The following SLC38A12 variants were observed in gnomAD, a reference collection of about 807,000 sequenced individuals.
SLC38A12 encodes solute carrier family 38 member 12, also known as putative sodium-coupled neutral amino acid transporter 12.
At chr17:74,822,839 G>A in the SLC38A12 span, among the ~76,000 whole-genome samples, 14 of 152,304 alleles carry the variant, frequency 9.2e-5, no homozygotes, top group Admixed American at 2.6e-4. Flanking sequence ...TCCCAGCCCC[G>A]GGCAGCAGCG....
chr17:74,802,567 G>A, the SLC38A12 span, among the ~76,000 whole-genome samples: 1 of 152,182 alleles, frequency 6.6e-6, no homozygotes, highest in Admixed American at 6.5e-5. Context: ...GAATGTGCAG[G>A]TTGGGTATCC....
chr17:74,830,317 C>T, the SLC38A12 span, among the ~76,000 whole-genome samples: 2 of 152,218 alleles, frequency 1.3e-5, no homozygotes, highest in Admixed American at 6.5e-5. Flanking sequence ...GACTTTCATC[C>T]CCTTATAAAC....
the SLC38A12 span, among the ~76,000 whole-genome samples, chr17:74,829,397 T>C: frequency 6.6e-6 from 1 of 152,118 alleles, no homozygotes; most frequent in Non-Finnish European, 1.5e-5. This position sits in a 1 kb window ranked among gnomAD's most constrained non-coding sequence, Gnocchi z 4.1. Flanking sequence ...ACACACCAAG[T>C]CTTTGAAATC....
At chr17:74,812,819 T>G in the SLC38A12 span, among the ~76,000 whole-genome samples, 2 of 151,908 alleles carry the variant, frequency 1.3e-5, no homozygotes, top group Non-Finnish European at 2.9e-5. Context: ...AACAGAGAAA[T>G]CCCCATCAGC....
chr17:74,834,362 C>T, the SLC38A12 span, among the ~76,000 whole-genome samples: 1 of 151,914 alleles, frequency 6.6e-6, no homozygotes, highest in Non-Finnish European at 1.5e-5. Context: ...CTGGAGCGGG[C>T]GGTGAGAGGC....
chr17:74,814,443 A>C, the SLC38A12 span, among the ~76,000 whole-genome samples: 1 of 152,144 alleles, frequency 6.6e-6, no homozygotes, highest in African/African-American at 2.4e-5. Flanking sequence ...TCTCTTCTTC[A>C]TGGAGGGAGG....
At chr17:74,822,144 G>A in the SLC38A12 span, among the ~76,000 whole-genome samples, 30 of 152,322 alleles carry the variant, frequency 2.0e-4, no homozygotes, top group South Asian at 3.9e-3. Flanking sequence ...AATAAAGAGC[G>A]ATTGTCTCAG....
the SLC38A12 span, among the ~76,000 whole-genome samples, chr17:74,825,659 CAA>C: frequency 2.0e-5 from 3 of 152,220 alleles, no homozygotes; most frequent in Non-Finnish European, 2.9e-5. Context: ...AGCTACCAGA[CAA>C]AGACTCCTGC....
At chr17:74,788,650 C>T in the SLC38A12 span, 1 of 634,264 alleles carries the variant, frequency 1.6e-6, no homozygotes, top group Non-Finnish European at 2.7e-6. Context: ...CCAAGTAAAG[C>T]CCATCTCTAG....
chr17:74,795,912 T>C, the SLC38A12 span, among the ~76,000 whole-genome samples: 1 of 152,192 alleles, frequency 6.6e-6, no homozygotes, highest in Non-Finnish European at 1.5e-5. Flanking sequence ...TGTTGTAAAC[T>C]TAGCTCAGAT....
the SLC38A12 span, among the ~76,000 whole-genome samples, chr17:74,777,914 C>G: frequency 6.6e-6 from 1 of 152,170 alleles, no homozygotes; most frequent in Non-Finnish European, 1.5e-5. Context: ...AACTCTGTCT[C>G]AAAAATAAAG....
At chr17:74,836,072 C>A in the SLC38A12 span, 1 of 1,613,746 alleles carries the variant, frequency 6.2e-7, no homozygotes, top group Non-Finnish European at 8.5e-7. The surrounding 1 kb of genome is among the most constrained non-coding windows in gnomAD (Gnocchi z 4.2). Flanking sequence ...CTCTGCCATC[C>A]CTCATTACCC....
chr17:74,835,442 A>C, the SLC38A12 span, among the ~76,000 whole-genome samples: 8 of 151,932 alleles, frequency 5.3e-5, no homozygotes, highest in Non-Finnish European at 8.8e-5. Flanking sequence ...CAAACACTCC[A>C]TGCCCTTCTT....
At chr17:74,820,004 G>A in the SLC38A12 span, among the ~76,000 whole-genome samples, 1 of 152,244 alleles carries the variant, frequency 6.6e-6, no homozygotes, top group East Asian at 1.9e-4. Context: ...AAAGGATAAG[G>A]AGGGGGCTGA....
the SLC38A12 span, among the ~76,000 whole-genome samples, chr17:74,780,395 C>G: frequency 6.6e-6 from 1 of 152,300 alleles, no homozygotes; most frequent in South Asian, 2.1e-4. Context: ...GTGCCTGTGC[C>G]TCCTCCAGTG....
chr17:74,836,445 G>C, the SLC38A12 span: 1 of 1,607,958 alleles, frequency 6.2e-7, no homozygotes, highest in Non-Finnish European at 8.5e-7. The surrounding 1 kb of genome is among the most constrained non-coding windows in gnomAD (Gnocchi z 4.2). Context: ...CTGCACCCAC[G>C]ACCTGGAGTC....
At chr17:74,795,726 C>T in the SLC38A12 span, 1 of 975,416 alleles carries the variant, frequency 1.0e-6, no homozygotes, top group African/African-American at 1.6e-5. Context: ...AATCCTTTCC[C>T]CAGAGAGGAG....
At chr17:74,780,023 G>A in the SLC38A12 span, among the ~76,000 whole-genome samples, 1 of 152,192 alleles carries the variant, frequency 6.6e-6, no homozygotes, top group East Asian at 1.9e-4. Flanking sequence ...TATGAGGACC[G>A]AGAGTGACAC....
chr17:74,836,428 T>G, the SLC38A12 span: 1 of 1,609,596 alleles, frequency 6.2e-7, no homozygotes, highest in Non-Finnish European at 8.5e-7. This position sits in a 1 kb window ranked among gnomAD's most constrained non-coding sequence, Gnocchi z 4.2. Context: ...CCTGTGCTGG[T>G]GGCCTTCTGC....
Sources: gnomAD v4.1 joint callset for allele counts (sites outside exome capture counted in the v4.1 genomes callset) on GRCh38, gnomAD v4.1.1 for gene constraint, Gnocchi (gnomAD v3.1) non-coding constraint, MANE v1.5 for transcripts, NCBI Gene and HGNC (gene_info 2026-07-23, HGNC 2026-07-21) for gene names.